TOX: variants seen among roughly 807,000 people sequenced by gnomAD.
TOX encodes thymocyte selection associated high mobility group box, also known as thymocyte selection-associated high mobility group box protein TOX.
TOX carries 11 observed loss-of-function variants against 53.7 expected under a neutral mutation model. The ratio of observed to expected loss-of-function variants is 0.20; its 90% CI spans 0.13 to 0.34. The LOEUF (loss-of-function observed/expected upper bound fraction) is 0.34. TOX is among the 10% of genes least tolerant of loss of function. TOX has a pLI of 1.00. For synonymous variants in TOX, 225 were observed against 245.3 expected (o/e 0.92, Z 0.77); for missense variants, 570 against 664.6 (o/e 0.86, Z 1.56).
intron 2 of TOX, among the ~76,000 whole-genome samples, chr8:58,950,525 T>C (rs147884200): frequency 6.6e-6 from 1 of 152,180 alleles, no homozygotes; most frequent in African/African-American, 2.4e-5. Context: ...CTCTAAATAC[T>C]GGAGGTCATC....
chr8:59,118,840 G>C lies in TOX; in HGVS notation c.102+46C>G. The C allele has an allele frequency of 6.7e-7, 1 of 1,490,376 alleles. No homozygotes were observed. The highest frequency in any genetic ancestry group is 2.7e-5 in the East Asian group (1 of 36,766). The allele number at this position is 1,490,376 out of a possible 1,614,324, so 92.3% of individuals were successfully genotyped here. On this transcript the variant is annotated intron_variant, in intron 1 of 8. Transcript: ENST00000361421. This position sits in a 1 kb window ranked among gnomAD's most constrained non-coding sequence, Gnocchi z 4.1. Reference sequence around the variant, plus strand: ...CCCGGCCACCGCCGCTCCCCTCCCAGGATCAAGCAGCAAGAACACGGTGGA... The same window carrying C: ...CCCGGCCACCGCCGCTCCCCTCCCACGATCAAGCAGCAAGAACACGGTGGA...
intron 1 of TOX, among the ~76,000 whole-genome samples, chr8:59,098,500 G>C (rs1302297302): frequency 6.6e-6 from 1 of 150,936 alleles, no homozygotes; most frequent in East Asian, 1.9e-4. Context: ...GGTATTATAT[G>C]TGTGAAAGAT....
chr8:58,978,787 T>A (rs1027821097), intron 1 of TOX, among the ~76,000 whole-genome samples: 1 of 152,252 alleles, frequency 6.6e-6, no homozygotes, highest in African/African-American at 2.4e-5. Context: ...CCTGTTGGTA[T>A]TGTTCATTTT....
intron 3 of TOX, among the ~76,000 whole-genome samples, chr8:58,879,505 G>A (rs1811346185): frequency 6.9e-6 from 1 of 145,700 alleles, no homozygotes; most frequent in Admixed American, 6.9e-5. Context: ...GTGACTTGGA[G>A]ATTGTGAAGT....
rs140451995 is a variant in TOX, at chr8:59,063,221, C to T, written c.102+55665G>A. Among the ~76,000 whole-genome samples, 288 of 152,226 alleles carry T rather than the reference C, an allele frequency of 1.9e-3. 5 individuals are homozygous for T. Among genetic ancestry groups the T allele is most frequent in the Admixed American group, 0.017 (259 of 15,284 alleles). On this transcript the variant is annotated intron_variant, in intron 1 of 8. Transcript: ENST00000361421. ...AAACATTGCAACTACCAATACTGTG[C>T]ATATGGGCTAATTCAAAGGAGATTT...
chr8:58,947,292 T>A (rs1191189003), intron 2 of TOX, among the ~76,000 whole-genome samples: 1 of 151,700 alleles, frequency 6.6e-6, no homozygotes, highest in Non-Finnish European at 1.5e-5. Context: ...TTTGATGGAG[T>A]CATGAAATGA....
At chr8:59,055,207 C>T (rs1173359581) in intron 1 of TOX, among the ~76,000 whole-genome samples, 4 of 152,186 alleles carry the variant, frequency 2.6e-5, no homozygotes, top group South Asian at 2.1e-4. Context: ...AGCTGTGCTC[C>T]GATCAGCTGC....
intron 3 of TOX, among the ~76,000 whole-genome samples, chr8:58,869,846 C>A (rs1439509626): frequency 2.0e-5 from 3 of 151,304 alleles, no homozygotes; most frequent in African/African-American, 7.3e-5. Context: ...TCTATAGATG[C>A]AGTAAAAACA....
intron 1 of TOX, among the ~76,000 whole-genome samples, chr8:59,074,581 TA>T (rs34936883): frequency 2.0e-5 from 3 of 152,118 alleles, no homozygotes; most frequent in African/African-American, 7.2e-5. Context: ...AATATTGCGT[TA>T]AAAAAAGCAC....
intron 1 of TOX, among the ~76,000 whole-genome samples, chr8:59,064,954 G>A (rs879339275): frequency 6.6e-6 from 1 of 152,138 alleles, no homozygotes; most frequent in East Asian, 1.9e-4. Context: ...ACTTGAGGGG[G>A]CTTTTTAAAA....
chr8:59,027,035 G>A (rs1024603569), intron 1 of TOX, among the ~76,000 whole-genome samples: 1 of 152,088 alleles, frequency 6.6e-6, no homozygotes, highest in Non-Finnish European at 1.5e-5. Flanking sequence ...AAATTCCATT[G>A]GCTAGTTCCC....
chr8:58,989,074 G>C (rs945039859), intron 1 of TOX, among the ~76,000 whole-genome samples: 1 of 152,188 alleles, frequency 6.6e-6, no homozygotes, highest in African/African-American at 2.4e-5. Flanking sequence ...CAGCACTGTG[G>C]GGGGCCGAGG....
intron 3 of TOX, among the ~76,000 whole-genome samples, chr8:58,854,454 T>C (rs1338796578): frequency 1.3e-5 from 2 of 152,102 alleles, no homozygotes; most frequent in Non-Finnish European, 2.9e-5. Flanking sequence ...TCTTCTAAGA[T>C]GTTTTCTCAT....
chr8:59,025,339 G>T (rs1041724309), intron 1 of TOX, among the ~76,000 whole-genome samples: 3 of 152,130 alleles, frequency 2.0e-5, no homozygotes, highest in African/African-American at 7.2e-5. Flanking sequence ...AAATTCACCA[G>T]CTGTTTATTT....
chr8:58,953,044 T>C (rs760800346), intron 2 of TOX, among the ~76,000 whole-genome samples: 5 of 152,142 alleles, frequency 3.3e-5, no homozygotes, highest in Non-Finnish European at 5.9e-5. Context: ...TTATGGCCTA[T>C]TTACTTTTTT....
intron 1 of TOX, among the ~76,000 whole-genome samples, chr8:58,969,543 C>T (rs768859828): frequency 1.2e-4 from 18 of 152,100 alleles, no homozygotes; most frequent in Non-Finnish European, 1.6e-4. Flanking sequence ...ACTTTCCCTG[C>T]TGATTTATCT....
At chr8:58,958,591 G>C (rs865934227) in intron 2 of TOX, among the ~76,000 whole-genome samples, 2 of 152,160 alleles carry the variant, frequency 1.3e-5, no homozygotes, top group Non-Finnish European at 2.9e-5. Context: ...TAATCAAACA[G>C]TCCTGTTCAG....
chr8:58,879,559 T>C (rs1811347513), intron 3 of TOX, among the ~76,000 whole-genome samples: 2 of 152,120 alleles, frequency 1.3e-5, no homozygotes, highest in Admixed American at 1.3e-4. Context: ...TATACTTCAT[T>C]ATAAATGAAA....
At position 58,984,677 on chromosome 8, in the gene TOX, G is replaced by T. The variant is rs371622077; in HGVS notation, c.103-24669C>A. ...GGGCGTCTGTAGTCCCAGCTACTCG[G>T]GAGGCTGAGGCCGGAGAATGGCGTG... On this transcript the variant is annotated intron_variant, in intron 1 of 8. Coordinates refer to ENST00000361421, the MANE Select transcript of TOX (RefSeq NM_014729.3). Among the ~76,000 whole-genome samples, 6 of 151,846 alleles carry T rather than the reference G, an allele frequency of 4.0e-5. No individual in the cohort carries two copies. In the East Asian group the frequency reaches 9.7e-4, roughly 25 times the overall value.
Sources: allele counts gnomAD v4.1 joint callset (sites outside exome capture counted in the v4.1 genomes callset), GRCh38; gene constraint gnomAD v4.1.1; non-coding constraint Gnocchi (gnomAD v3.1); transcripts MANE v1.5; gene names NCBI Gene and HGNC (gene_info 2026-07-23, HGNC 2026-07-21).